The following RBFOX3 variants were observed in gnomAD, a reference collection of about 807,000 sequenced individuals.
RBFOX3 encodes RNA binding protein fox-1 homolog 3.
RBFOX3 carries 17 observed loss-of-function variants against 48.7 expected under a neutral mutation model. The ratio of observed to expected loss-of-function variants is 0.35; its 90% confidence interval spans 0.24 to 0.52. The LOEUF (loss-of-function observed/expected upper bound fraction) is 0.52, where lower values mean the gene tolerates loss of function less well. Ranked by LOEUF, RBFOX3 falls within the 20% of genes least tolerant of loss-of-function variation. The probability of loss-of-function intolerance (pLI) is 0.94; values close to 1 mark genes in which losing one functional copy is unlikely to be tolerated. For synonymous variants in RBFOX3, 212 were observed against 209.5 expected (o/e 1.01, Z -0.10); for missense variants, 382 against 497.5 (o/e 0.77, Z 2.21).
At position 79,303,851 on chromosome 17, in the gene RBFOX3, C is replaced by G. The variant is rs1009263510; in HGVS notation, c.-74+3873G>C. 2.0e-4 allele frequency among the ~76,000 whole-genome samples: 30 copies of G among 147,876 alleles called. No individual in the cohort carries two copies. In the East Asian group the frequency reaches 5.1e-3, roughly 25 times the overall value. ...TTTGTATGCATGTGTGCATGTCTGC[C>G]TGTGTGTGTGTGTGTGTGTGTGTGT... On this transcript the variant is annotated intron_variant, in intron 3 of 14. Coordinates refer to ENST00000693108, the MANE Select transcript of RBFOX3 (RefSeq NM_001350451.2).
the RBFOX3 span, among the ~76,000 whole-genome samples, chr17:79,618,710 G>A: frequency 2.6e-5 from 4 of 152,218 alleles, no homozygotes; most frequent in African/African-American, 7.2e-5. Context: ...CTGGATACGC[G>A]CTGGAAAAAT....
At chr17:79,339,395 C>T (rs185099618) in intron 2 of RBFOX3, among the ~76,000 whole-genome samples, 5 of 152,288 alleles carry the variant, frequency 3.3e-5, no homozygotes, top group Admixed American at 3.3e-4. Context: ...AACCATTGTT[C>T]TCAAAGTGAG....
rs962847068 is a variant in RBFOX3 at position 79,198,986 on chromosome 17, C to G, written c.-34+36780G>C. Among the ~76,000 whole-genome samples, 27 of 152,306 alleles carry G rather than the reference C, an allele frequency of 1.8e-4. No homozygotes were observed. Among genetic ancestry groups the G allele is most frequent in the African/African-American group, 5.3e-4 (22 of 41,564 alleles). On this transcript the variant is annotated intron_variant, in intron 4 of 14. Transcript: ENST00000693108. This position sits in a 1 kb window ranked among gnomAD's most constrained non-coding sequence, Gnocchi z 8.2. ...CCACTGGTTAAAATACAAATTGTCTCCTGCAAAGATGCTGAGTTTGTGAGG... is the reference window on the plus strand; with the variant it reads ...CCACTGGTTAAAATACAAATTGTCTGCTGCAAAGATGCTGAGTTTGTGAGG...
chr17:79,433,123 C>T (rs1222521017), intron 2 of RBFOX3, among the ~76,000 whole-genome samples: 3 of 152,202 alleles, frequency 2.0e-5, no homozygotes, highest in Non-Finnish European at 2.9e-5. Flanking sequence ...GACGTCTCTG[C>T]AGGGAGACAC....
At chr17:79,652,003 C>A in the RBFOX3 span, among the ~76,000 whole-genome samples, 4 of 151,528 alleles carry the variant, frequency 2.6e-5, no homozygotes, top group Non-Finnish European at 5.9e-5. Flanking sequence ...CCCAGTCATG[C>A]CCTAGATGCC....
chr17:79,314,277 C>T (rs1568025101), intron 2 of RBFOX3, among the ~76,000 whole-genome samples: 1 of 152,166 alleles, frequency 6.6e-6, no homozygotes, highest in Non-Finnish European at 1.5e-5. Context: ...GACCCCCAAA[C>T]CTGCTGAGAA....
At chr17:79,125,511 A>G (rs11870294) in intron 4 of RBFOX3, among the ~76,000 whole-genome samples, 1 of 152,080 alleles carries the variant, frequency 6.6e-6, no homozygotes, top group Non-Finnish European at 1.5e-5. Context: ...CTGCCTGGTA[A>G]GGTCCCCCAG....
chr17:79,166,539 G>T (rs991781590), intron 4 of RBFOX3, among the ~76,000 whole-genome samples: 1 of 152,188 alleles, frequency 6.6e-6, no homozygotes, highest in Non-Finnish European at 1.5e-5. Flanking sequence ...GCTTCGGAAG[G>T]GTCCCGAGGG....
intron 1 of RBFOX3, among the ~76,000 whole-genome samples, chr17:79,594,105 A>G (rs1304176171): frequency 1.3e-5 from 2 of 152,076 alleles, no homozygotes; most frequent in Non-Finnish European, 2.9e-5. Flanking sequence ...CATTCTCACA[A>G]CATTGATTAA....
chr17:79,529,279 T>G (rs1453944773), intron 1 of RBFOX3, among the ~76,000 whole-genome samples: 1 of 152,202 alleles, frequency 6.6e-6, no homozygotes, highest in African/African-American at 2.4e-5. Flanking sequence ...CAGCAAAGGT[T>G]GACCCATCCC....
chr17:79,257,618 T>C (rs1285108759), intron 3 of RBFOX3, among the ~76,000 whole-genome samples: 1 of 152,202 alleles, frequency 6.6e-6, no homozygotes, highest in East Asian at 1.9e-4. Flanking sequence ...TCTTGCTCTG[T>C]TACCCAGGAT....
At chr17:79,273,610 T>TG (rs1377970479) in intron 3 of RBFOX3, among the ~76,000 whole-genome samples, 3 of 149,502 alleles carry the variant, frequency 2.0e-5, no homozygotes, top group African/African-American at 4.9e-5. Context: ...GGGCTAGTCC[T>TG]GGGGGGCAGC....
chr17:79,314,417 T>C (rs1027566864), intron 2 of RBFOX3, among the ~76,000 whole-genome samples: 2 of 151,972 alleles, frequency 1.3e-5, no homozygotes, highest in Admixed American at 6.6e-5. Flanking sequence ...TGAGATCGCA[T>C]ACGGAGCTGG....
At chr17:79,347,595 G>C (rs2083127336) in intron 2 of RBFOX3, among the ~76,000 whole-genome samples, 1 of 151,906 alleles carries the variant, frequency 6.6e-6, no homozygotes, top group Admixed American at 6.6e-5. Flanking sequence ...ACATCAAGCT[G>C]GTCCTCCAAT....
At position 79,540,323 on chromosome 17, in the gene RBFOX3, T is replaced by C. The variant is rs1196533534; in HGVS notation, c.-319-57725A>G. Among the ~76,000 whole-genome samples the C allele has an allele frequency of 2.0e-5, 3 of 152,234 alleles. No individual in the cohort carries two copies. The East Asian group carries it at 5.8e-4, about 29-fold the overall frequency. ...AGCAGGGTCCGGGACTCTCCAATGC[T>C]GTGTTCCAGCCTGACAGTGCCCGGT... On this transcript the variant is annotated intron_variant, in intron 1 of 14. Coordinates refer to ENST00000693108, the MANE Select transcript of RBFOX3 (RefSeq NM_001350451.2).
At chr17:79,330,825 A>T (rs928983445) in intron 2 of RBFOX3, among the ~76,000 whole-genome samples, 1 of 152,152 alleles carries the variant, frequency 6.6e-6, no homozygotes, top group Non-Finnish European at 1.5e-5. Context: ...CCTTCGGAGA[A>T]GCCTTCCCTG....
chr17:79,169,852 A>G (rs1343525682), intron 4 of RBFOX3, among the ~76,000 whole-genome samples: 1 of 152,174 alleles, frequency 6.6e-6, no homozygotes, highest in African/African-American at 2.4e-5. Flanking sequence ...TATACTTCAT[A>G]AGGGTAAATG....
In RBFOX3 at chr17:79,115,479, C is replaced by T. The variant is rs371537468; in HGVS notation, c.222+15G>A. 323 of 1,309,462 alleles carry T rather than the reference C, an allele frequency of 2.5e-4. No homozygotes were observed. The highest frequency in any genetic ancestry group is 2.0e-3 in the Middle Eastern group (10 of 5,108). 81.1% of individuals were successfully genotyped at this position (1,309,462 alleles called of 1,614,324 possible). A position where few individuals can be genotyped will look rare whatever the true frequency, so the allele number is the denominator to read the frequency against. ...GAAGCTCCAGGGCTGGGCCTGGGGT[C>T]GTGGGGGCCCTTACCGGCACTGTCT... On this transcript the variant is annotated intron_variant, in intron 5 of 14. Coordinates refer to ENST00000693108, the MANE Select transcript of RBFOX3 (RefSeq NM_001350451.2).
At chr17:79,530,190 C>T (rs1181461273) in intron 1 of RBFOX3, among the ~76,000 whole-genome samples, 3 of 152,162 alleles carry the variant, frequency 2.0e-5, no homozygotes, top group Non-Finnish European at 4.4e-5. Context: ...CTGGAGAAAA[C>T]CTCCAGCTGT....
Sources: allele counts gnomAD v4.1 joint callset (sites outside exome capture counted in the v4.1 genomes callset), GRCh38; gene constraint gnomAD v4.1.1; non-coding constraint Gnocchi (gnomAD v3.1); transcripts MANE v1.5; gene names NCBI Gene and HGNC (gene_info 2026-07-23, HGNC 2026-07-21).